ACTN4: variants seen among roughly 807,000 people sequenced by gnomAD.
ACTN4 encodes the protein actinin alpha 4.
Under a neutral mutation model 114.2 loss-of-function variants are expected in ACTN4, and 18 were observed. The ratio of observed to expected loss-of-function variants is 0.16; its 90% CI spans 0.11 to 0.23. The LOEUF (loss-of-function observed/expected upper bound fraction) is 0.23, where lower values mean the gene tolerates loss of function less well. ACTN4 is among the 10% of genes least tolerant of loss of function. The pLI, the probability that ACTN4 is intolerant of heterozygous loss-of-function variation, is 1.00. For synonymous variants in ACTN4, 515 were observed against 506.3 expected, an observed-to-expected ratio of 1.02 and a Z score of -0.23; for missense variants, 722 against 1,262.9, an observed-to-expected ratio of 0.57 and a Z score of 6.49.
At chr19:38,709,314 C>T (rs1446381213) in intron 6 of ACTN4, 81 bp from the exon 7 acceptor site, 4 of 1,106,856 alleles carry the variant, frequency 3.6e-6, no homozygotes, top group Non-Finnish European at 5.6e-6. Flanking sequence ...GGGTCTCTCC[C>T]TCTGGGCCAG....
At chr19:38,711,937 G>A (rs1003532705) in intron 8 of ACTN4, among the ~76,000 whole-genome samples, 3 of 152,200 alleles carry the variant, frequency 2.0e-5, no homozygotes, top group African/African-American at 7.2e-5. Context: ...AGCTCCTGCC[G>A]GGCCCTCAGC....
rs1446538177 is a variant in ACTN4, at chr19:38,729,324, C to A, written c.2628C>A (p.Ala876=). ...ELRRELPPDQ[A]EYCIARMAPY... is the part of the protein sequence containing the mutation. ...GGAGAGAGCTGCCCCCCGACCAGGC[C>A]GAGTACTGCATCGCCCGCATGGCGC... is the stretch of plus-strand genomic sequence containing the variant. The change falls in exon 21 of 21, where the codon GCC becomes GCA. Residue 876 remains alanine (A), a synonymous_variant. Transcript: ENST00000252699. 2.5e-6 allele frequency: 4 copies of A among 1,612,142 alleles called. No individual in the cohort carries two copies. In the African/African-American group the frequency reaches 5.4e-5, roughly 22 times the overall value.
chr19:38,664,340 G>A (rs781616406), intron 1 of ACTN4, among the ~76,000 whole-genome samples: 5 of 151,738 alleles, frequency 3.3e-5, no homozygotes, highest in Admixed American at 6.6e-5. Context: ...CTTAAATACC[G>A]CAGTGTCCTT....
At chr19:38,723,501 C>T in intron 12 of ACTN4, 113 bp from the exon 13 acceptor site, 4 of 784,088 alleles carry the variant, frequency 5.1e-6, no homozygotes, top group Non-Finnish European at 6.7e-6. Flanking sequence ...TGCTGATATC[C>T]TGGAATGTTG....
intron 12 of ACTN4, 174 bp downstream of exon 12, chr19:38,721,862 T>G (rs1969057416): frequency 1.1e-6 from 1 of 932,794 alleles, no homozygotes; most frequent in African/African-American, 1.6e-5. Flanking sequence ...TGAGGCCTTT[T>G]GCCCATCCTG....
At chr19:38,666,176 C>G (rs1024507410) in intron 1 of ACTN4, among the ~76,000 whole-genome samples, 1 of 152,106 alleles carries the variant, frequency 6.6e-6, no homozygotes, top group Non-Finnish European at 1.5e-5. Context: ...CGCGCCCCCC[C>G]CTTTCCTGGG....
At chr19:38,691,419 A>C (rs1299361184) in intron 1 of ACTN4, among the ~76,000 whole-genome samples, 10 of 150,012 alleles carry the variant, frequency 6.7e-5, no homozygotes, top group African/African-American at 9.8e-5. Context: ...AAAAAACAAA[A>C]AAAACAAAAA....
At chr19:38,673,033 C>T (rs2144887984) in intron 1 of ACTN4, among the ~76,000 whole-genome samples, 1 of 151,126 alleles carries the variant, frequency 6.6e-6, no homozygotes, top group East Asian at 2.0e-4. Context: ...ACCTCTGCCT[C>T]CTGGGTTCAA....
chr19:38,697,186 C>G (rs1049713096), intron 1 of ACTN4, among the ~76,000 whole-genome samples: 5 of 152,300 alleles, frequency 3.3e-5, no homozygotes, highest in Admixed American at 1.3e-4. Flanking sequence ...GGCAGCAGCC[C>G]CTCTGAGGAC....
intron 1 of ACTN4, among the ~76,000 whole-genome samples, chr19:38,671,135 G>A (rs1230568524): frequency 6.6e-6 from 1 of 152,074 alleles, no homozygotes; most frequent in African/African-American, 2.4e-5. Flanking sequence ...TCTGATAAAA[G>A]GTGGTTGAAG....
intron 19 of ACTN4, 113 bp from the exon 20 acceptor site, chr19:38,728,883 G>A (rs903969886): frequency 2.9e-6 from 4 of 1,370,890 alleles, no homozygotes; most frequent in East Asian, 4.6e-5. Context: ...GCACGCACAC[G>A]TGGGTTGGGC....
intron 9 of ACTN4, among the ~76,000 whole-genome samples, chr19:38,716,594 G>A (rs67438539): frequency 0.16 from 24,224 of 152,304 alleles, 2,160 homozygotes; most frequent in Middle Eastern, 0.36. Context: ...ACCACTTTGG[G>A]AGGCTAAAGT....
At chr19:38,687,068 A>G (rs892086766) in intron 1 of ACTN4, among the ~76,000 whole-genome samples, 1 of 150,366 alleles carries the variant, frequency 6.7e-6, no homozygotes, top group African/African-American at 2.5e-5. Flanking sequence ...GGCTCAAGCG[A>G]TTCTCTTGCC....
chr19:38,726,181 A>C (rs1969226276), intron 17 of ACTN4, among the ~76,000 whole-genome samples: 1 of 151,366 alleles, frequency 6.6e-6, no homozygotes, highest in Non-Finnish European at 1.5e-5. Context: ...CCAGCTCCCC[A>C]GGAGGTTGAG....
intron 1 of ACTN4, among the ~76,000 whole-genome samples, chr19:38,680,976 C>T (rs1297344618): frequency 6.6e-6 from 1 of 151,532 alleles, no homozygotes; most frequent in Non-Finnish European, 1.5e-5. Context: ...AAATACAAAA[C>T]TTAGCTGGAT....
intron 1 of ACTN4, 151 bp downstream of exon 1, chr19:38,648,058 C>T (rs1599750174): frequency 2.2e-6 from 2 of 920,694 alleles, no homozygotes; most frequent in East Asian, 3.3e-5. Context: ...GAATTGGAGT[C>T]CTGAGGAGGA....
rs1969598136 is a variant in ACTN4 at position 38,731,405 on chromosome 19, A to G, written c.*1973A>G. ...ATCCTCTGGGCCTGTTTCCTCATCC[A>G]TCAAACGGACTAAGACAGCCCCGAC... On this transcript the variant is annotated 3_prime_UTR_variant, in exon 21 of 21. Coordinates refer to ENST00000252699, the MANE Select transcript of ACTN4 (RefSeq NM_004924.6). 1.6e-6 allele frequency: 1 copy of G among 623,240 alleles called. No individual in the cohort carries two copies. The highest frequency in any genetic ancestry group is 1.8e-5 in the South Asian group (1 of 56,020). 38.6% of individuals were successfully genotyped at this position (623,240 alleles called of 1,614,324 possible).
intron 6 of ACTN4, among the ~76,000 whole-genome samples, chr19:38,708,824 G>T (rs1968547541): frequency 6.6e-6 from 1 of 152,242 alleles, no homozygotes; most frequent in African/African-American, 2.4e-5. Context: ...GCAGCTTAGA[G>T]CCAGAGGAGG....
chr19:38,666,971 A>T (rs978124841), intron 1 of ACTN4, among the ~76,000 whole-genome samples: 12 of 152,124 alleles, frequency 7.9e-5, no homozygotes, highest in African/African-American at 2.9e-4. Flanking sequence ...GAGTCTAGGG[A>T]TGTGCCAGGT....
Sources: gnomAD v4.1 joint callset for allele counts (sites outside exome capture counted in the v4.1 genomes callset) on GRCh38, gnomAD v4.1.1 for gene constraint, MANE v1.5 for transcripts, NCBI Gene and HGNC (gene_info 2026-07-23, HGNC 2026-07-21) for gene names.